MINDY4: variants seen among roughly 807,000 people sequenced by gnomAD.
MINDY4 encodes the protein probable ubiquitin carboxyl-terminal hydrolase MINDY-4.
Under a neutral mutation model 87.0 loss-of-function variants are expected in MINDY4, and 68 were observed. The ratio of observed to expected loss-of-function variants is 0.78; its 90% CI spans 0.64 to 0.96. The LOEUF (loss-of-function observed/expected upper bound fraction) is 0.96. Ranked by LOEUF, MINDY4 falls within the 40% of genes least tolerant of loss-of-function variation. The probability of loss-of-function intolerance (pLI) is 0.00; values close to 1 mark genes in which losing one functional copy is unlikely to be tolerated. For missense variants in MINDY4, 919 were observed against 928.2 expected (o/e 0.99, Z 0.13); for synonymous variants, 379 against 363.2 (o/e 1.04, Z -0.50).
chr7:30,784,305 C>T (rs10258780), intron 3 of MINDY4, among the ~76,000 whole-genome samples: 8,484 of 152,294 alleles, frequency 0.056, 428 homozygotes, highest in East Asian at 0.21. Context: ...CCGCCTCGTC[C>T]GTCATCTTCT....
rs1024435499 is a variant in MINDY4 at position 30,817,872 on chromosome 7, C to T, written c.1074-10807C>T. Among the ~76,000 whole-genome samples, 6 of 152,302 alleles carry T rather than the reference C, an allele frequency of 3.9e-5. No homozygotes were observed. In the South Asian group the frequency reaches 6.2e-4, roughly 16 times the overall value. ...CATTGCAAAATGATGTTCTGTTTCA[C>T]GTGGGAGAGTGGTAGGAGTGCCGAA... On this transcript the variant is annotated intron_variant, in intron 5 of 17. Transcript: ENST00000265299.
chr7:30,771,459 G>C lies in MINDY4; in HGVS notation c.-35G>C, dbSNP rs771597050. 3.8e-6 allele frequency: 6 copies of C among 1,589,730 alleles called. No homozygotes were observed. The African/African-American group carries it at 6.7e-5, about 18-fold the overall frequency. On this transcript the variant is annotated 5_prime_UTR_variant, in exon 1 of 18. Transcript: ENST00000265299. ...CCCAGTTGCCTGGTGCTGCGGCCCG[G>C]CGTGGGCCTCGTGGGCAGAGCCAGA...
chr7:30,789,098 A>G (rs1407667215), intron 4 of MINDY4, among the ~76,000 whole-genome samples: 1 of 152,176 alleles, frequency 6.6e-6, no homozygotes, highest in Non-Finnish European at 1.5e-5. Context: ...TCTTACTACT[A>G]TGAAAATAGT....
intron 15 of MINDY4, among the ~76,000 whole-genome samples, chr7:30,881,181 C>T (rs377310741): frequency 7.9e-5 from 12 of 152,242 alleles, no homozygotes; most frequent in Middle Eastern, 3.4e-3. Flanking sequence ...TCAGGAGAGG[C>T]GCTGGCCAAG....
intron 5 of MINDY4, among the ~76,000 whole-genome samples, chr7:30,814,480 A>T (rs989516562): frequency 6.6e-6 from 1 of 152,314 alleles, no homozygotes; most frequent in Non-Finnish European, 1.5e-5. Flanking sequence ...TGTCCTGGAC[A>T]GTTGGTAATT....
intron 1 of MINDY4, among the ~76,000 whole-genome samples, chr7:30,774,080 C>T (rs1474692461): frequency 1.3e-5 from 2 of 152,246 alleles, no homozygotes; most frequent in Non-Finnish European, 2.9e-5. Flanking sequence ...CATGGCCACT[C>T]ACCCTTGTGG....
Position 30,841,034 on chromosome 7 carries a change from C to T in MINDY4, c.1445+186C>T, listed in dbSNP as rs78017916. Among the ~76,000 whole-genome samples the T allele has an allele frequency of 1.2e-3, 187 of 152,190 alleles. 1 individual carries two copies. The highest frequency in any genetic ancestry group is 3.1e-3 in the Admixed American group (48 of 15,290). On this transcript the variant is annotated intron_variant, in intron 9 of 17. Transcript: ENST00000265299. ...GACCAGTGTTAAGGGGACTTGTGCG[C>T]GTTTGTTTCTGAAAGCGGGGAGGGT...
At chr7:30,811,530 A>T (rs1787997576) in intron 5 of MINDY4, among the ~76,000 whole-genome samples, 1 of 152,188 alleles carries the variant, frequency 6.6e-6, no homozygotes, top group South Asian at 2.1e-4. Flanking sequence ...AAGGGAGGAG[A>T]CCACCCCTCA....
At position 30,892,181 on chromosome 7, in the gene MINDY4, T is replaced by G; in HGVS notation, c.*176T>G. ...ATGAAGGGCCCACCCAAGACTGTGC[T>G]GGGGACCCAGTGTGTTGCTGGGTCC... On this transcript the variant is annotated 3_prime_UTR_variant, in exon 18 of 18. Transcript: ENST00000265299. 1.6e-6 allele frequency: 1 copy of G among 637,560 alleles called. No individual in the cohort carries two copies. Among genetic ancestry groups the G allele is most frequent in the East Asian group, 2.7e-5 (1 of 36,542 alleles). 39.5% of individuals were successfully genotyped at this position (637,560 alleles called of 1,614,324 possible).
chr7:30,883,052 G>A (rs1439784015), intron 17 of MINDY4, 59 bp downstream of exon 17: 2 of 1,552,748 alleles, frequency 1.3e-6, no homozygotes, highest in East Asian at 2.2e-5. Flanking sequence ...AGGAGCCATG[G>A]TTGGGGGTGG....
chr7:30,798,920 T>C (rs1211160368), intron 5 of MINDY4, among the ~76,000 whole-genome samples: 1 of 152,234 alleles, frequency 6.6e-6, no homozygotes, highest in African/African-American at 2.4e-5. Flanking sequence ...CTGTTACTTT[T>C]GTGCTGTGAC....
At chr7:30,813,727 G>A (rs1788073631) in intron 5 of MINDY4, among the ~76,000 whole-genome samples, 1 of 152,186 alleles carries the variant, frequency 6.6e-6, no homozygotes, top group South Asian at 2.1e-4. Flanking sequence ...GCTGCCTCAT[G>A]GAAATTCCAC....
intron 5 of MINDY4, among the ~76,000 whole-genome samples, chr7:30,808,959 CAG>C (rs768983149): frequency 7.7e-6 from 1 of 129,856 alleles, no homozygotes; most frequent in Middle Eastern, 3.8e-3. Flanking sequence ...GAGAGAGAGG[CAG>C]AGAGAGAGAA....
chr7:30,891,947 C>G lies in MINDY4; in HGVS notation c.2226-10C>G, dbSNP rs753855580. The stretch of plus-strand genomic sequence containing the variant: ...ATCTCTCTTTGTCTCTCTCCTCACT[C>G]TACGCTTAGGTGGAAGGGGGCATCA... On this transcript the variant is annotated splice_polypyrimidine_tract_variant and intron_variant, in intron 17 of 17. Transcript: ENST00000265299. 5.0e-6 allele frequency: 8 copies of G among 1,614,066 alleles called. No individual in the cohort carries two copies. Among genetic ancestry groups the G allele is most frequent in the Non-Finnish European group, 6.8e-6 (8 of 1,179,924 alleles).
intron 5 of MINDY4, chr7:30,796,841 T>A (rs1787504169): frequency 6.6e-6 from 1 of 150,936 alleles, no homozygotes. Context: ...ATGTTACAGA[T>A]CCTTTGGTTT....
At chr7:30,835,775 C>T (rs921346412) in intron 6 of MINDY4, among the ~76,000 whole-genome samples, 11 of 152,368 alleles carry the variant, frequency 7.2e-5, no homozygotes, top group African/African-American at 2.4e-4. Context: ...TCTGCTCAGC[C>T]TTGCCGGCAC....
chr7:30,877,502 G>A (rs73301967), intron 15 of MINDY4, among the ~76,000 whole-genome samples: 16,911 of 151,944 alleles, frequency 0.11, 1,292 homozygotes, highest in African/African-American at 0.22. Context: ...GTTTCCCTGC[G>A]GTAGGTGGAT....
intron 1 of MINDY4, among the ~76,000 whole-genome samples, chr7:30,775,373 T>G (rs138247237): frequency 2.0e-5 from 3 of 152,312 alleles, no homozygotes; most frequent in African/African-American, 7.2e-5. Flanking sequence ...ACCAGTTTAC[T>G]ATAAAGGACA....
intron 5 of MINDY4, among the ~76,000 whole-genome samples, chr7:30,821,748 C>T (rs561627837): frequency 2.8e-5 from 4 of 140,738 alleles, no homozygotes; most frequent in South Asian, 2.4e-4. Context: ...TTTGCTCCTT[C>T]GTGCAGTTTA....
Sources: gnomAD v4.1 joint callset for allele counts (sites outside exome capture counted in the v4.1 genomes callset) on GRCh38, gnomAD v4.1.1 for gene constraint, MANE v1.5 for transcripts, NCBI Gene and HGNC (gene_info 2026-07-23, HGNC 2026-07-21) for gene names.